Variants in MICU1 observed in about 807,000 individuals in gnomAD.
MICU1 encodes the protein calcium uptake protein 1, mitochondrial.
MICU1 carries 45 observed loss-of-function variants against 56.8 expected under a neutral mutation model. That is an observed-to-expected ratio of 0.79 (90% CI 0.62 to 1.02). The LOEUF (loss-of-function observed/expected upper bound fraction) is 1.02, where lower values mean the gene tolerates loss of function less well. Among genes scored for constraint, MICU1 ranks in the 50% least tolerant of loss-of-function variants. The probability of loss-of-function intolerance (pLI) is 0.00; values close to 1 mark genes in which losing one functional copy is unlikely to be tolerated. For synonymous variants in MICU1, 186 were observed against 195.1 expected, an observed-to-expected ratio of 0.95 and a Z score of 0.39; for missense variants, 504 against 587.1, an observed-to-expected ratio of 0.86 and a Z score of 1.46.
chr10:72,446,449 G>C (rs1011264588), intron 8 of MICU1, among the ~76,000 whole-genome samples: 1 of 151,940 alleles, frequency 6.6e-6, no homozygotes, highest in African/African-American at 2.4e-5. Flanking sequence ...TCCTGCCTCA[G>C]CCTCCTTAGT....
intron 1 of MICU1, among the ~76,000 whole-genome samples, chr10:72,570,708 A>G (rs757868642): frequency 2.0e-5 from 3 of 152,110 alleles, no homozygotes; most frequent in Non-Finnish European, 2.9e-5. Context: ...AAAAACTGTT[A>G]ATCTTTTCTC....
Position 72,392,506 on chromosome 10 carries a change from G to A in MICU1, c.1180+15423C>T, listed in dbSNP as rs1863111476. Reference sequence around the variant, plus strand: ...GAATTTCTTGACCCTGGGAAGCAGAGGTTGCGGTGAGCCAAGATTGTACCA... The same window carrying A: ...GAATTTCTTGACCCTGGGAAGCAGAAGTTGCGGTGAGCCAAGATTGTACCA... On this transcript the variant is annotated intron_variant, in intron 10 of 11. Coordinates refer to ENST00000361114, the MANE Select transcript of MICU1 (RefSeq NM_001195518.2). Among the ~76,000 whole-genome samples, 4 of 152,130 alleles carry A rather than the reference G, an allele frequency of 2.6e-5. 1 individual carries two copies. The South Asian group carries it at 8.3e-4, about 32-fold the overall frequency.
At chr10:72,378,969 A>C (rs1229174934) in intron 10 of MICU1, among the ~76,000 whole-genome samples, 1 of 152,144 alleles carries the variant, frequency 6.6e-6, no homozygotes, top group Admixed American at 6.5e-5. Context: ...GGAAATTAAC[A>C]TTCTTTGGTA....
At chr10:72,394,420 G>C (rs1357657995) in intron 10 of MICU1, among the ~76,000 whole-genome samples, 4 of 152,102 alleles carry the variant, frequency 2.6e-5, no homozygotes, top group Non-Finnish European at 5.9e-5. Context: ...GAGGTCAGGA[G>C]TTCATAACCA....
chr10:72,371,153 A>G (rs917315887), intron 11 of MICU1, among the ~76,000 whole-genome samples: 1 of 152,112 alleles, frequency 6.6e-6, no homozygotes, highest in African/African-American at 2.4e-5. Context: ...TGGGAGGCCG[A>G]GACGGGCGGA....
intron 1 of MICU1, among the ~76,000 whole-genome samples, chr10:72,589,058 T>C (rs1264430278): frequency 6.6e-6 from 1 of 151,970 alleles, no homozygotes; most frequent in African/African-American, 2.4e-5. Context: ...GAGGCCGAGG[T>C]GGGTGGATCA....
chr10:72,478,977 T>C (rs1016466720), intron 6 of MICU1, among the ~76,000 whole-genome samples: 14 of 152,214 alleles, frequency 9.2e-5, no homozygotes, highest in African/African-American at 3.4e-4. Context: ...ATTAGTTTTG[T>C]ATATTTGTTG....
At chr10:72,573,714 G>C (rs1305738858) in intron 1 of MICU1, among the ~76,000 whole-genome samples, 1 of 151,802 alleles carries the variant, frequency 6.6e-6, no homozygotes, top group African/African-American at 2.4e-5. Context: ...GCTCCCCTAG[G>C]GATTTTATTT....
At chr10:72,552,727 T>C (rs556670582) in intron 3 of MICU1, among the ~76,000 whole-genome samples, 1 of 152,244 alleles carries the variant, frequency 6.6e-6, no homozygotes, top group South Asian at 2.1e-4. Flanking sequence ...GCTAATGTTT[T>C]GTATTTTTAC....
At chr10:72,587,990 T>C (rs1412125572) in intron 1 of MICU1, among the ~76,000 whole-genome samples, 1 of 152,152 alleles carries the variant, frequency 6.6e-6, no homozygotes, top group Non-Finnish European at 1.5e-5. Context: ...TGACATGGTT[T>C]GGATTTATGT....
intron 8 of MICU1, among the ~76,000 whole-genome samples, chr10:72,443,353 G>A (rs1291547562): frequency 6.6e-6 from 1 of 152,074 alleles, no homozygotes; most frequent in Non-Finnish European, 1.5e-5. Context: ...TTCTTTTGTT[G>A]TGCAGAAGCT....
intron 1 of MICU1, among the ~76,000 whole-genome samples, chr10:72,618,505 T>C (rs1331699041): frequency 6.6e-6 from 1 of 152,164 alleles, no homozygotes; most frequent in Non-Finnish European, 1.5e-5. Context: ...AATTCGAAGA[T>C]TGCTTAATTT....
chr10:72,420,313 G>A (rs931373003), intron 9 of MICU1, among the ~76,000 whole-genome samples: 3 of 152,086 alleles, frequency 2.0e-5, no homozygotes, highest in Non-Finnish European at 4.4e-5. Context: ...TGCCTGCCTC[G>A]GCCTCCCAAA....
chr10:72,422,653 G>A (rs577877886), intron 9 of MICU1, among the ~76,000 whole-genome samples: 118 of 151,702 alleles, frequency 7.8e-4, no homozygotes, highest in Non-Finnish European at 1.5e-3. Context: ...TGACATGGTA[G>A]ACCCCTCAGT....
chr10:72,368,427 T>C (rs1376818493), intron 11 of MICU1, 72 bp from the exon 12 acceptor site: 2 of 1,526,550 alleles, frequency 1.3e-6, no homozygotes, highest in African/African-American at 1.4e-5. Flanking sequence ...AATTCCATTG[T>C]CCACACAAAG....
At position 72,623,745 on chromosome 10, in the gene MICU1, A is replaced by G. The variant is rs763061056; in HGVS notation, c.-2+2265T>C. Among the ~76,000 whole-genome samples the G allele has an allele frequency of 2.6e-5, 4 of 152,122 alleles. No individual in the cohort carries two copies. In the East Asian group the frequency reaches 7.7e-4, roughly 29 times the overall value. Reference sequence around the variant, plus strand: ...TTCCAGCTACTTCGGAGGCTGAAGCAGGAGAATTGCTTGAACCCAGGAGGC... The same window carrying G: ...TTCCAGCTACTTCGGAGGCTGAAGCGGGAGAATTGCTTGAACCCAGGAGGC... On this transcript the variant is annotated intron_variant, in intron 1 of 11. Coordinates refer to ENST00000361114, the MANE Select transcript of MICU1 (RefSeq NM_001195518.2).
chr10:72,507,491 A>C (rs1867292922), intron 6 of MICU1, among the ~76,000 whole-genome samples: 1 of 152,210 alleles, frequency 6.6e-6, no homozygotes, highest in African/African-American at 2.4e-5. Context: ...CAACCAAGCC[A>C]ATTTTCTTCT....
At chr10:72,485,399 T>C (rs2132290864) in intron 6 of MICU1, among the ~76,000 whole-genome samples, 1 of 151,998 alleles carries the variant, frequency 6.6e-6, no homozygotes, top group Admixed American at 6.6e-5. Context: ...ATTAATACAA[T>C]AATAATAATG....
chr10:72,561,703 T>C (rs936454976), intron 3 of MICU1, among the ~76,000 whole-genome samples: 2 of 152,088 alleles, frequency 1.3e-5, no homozygotes, highest in Non-Finnish European at 2.9e-5. Flanking sequence ...TCCCAGCTAT[T>C]GGGAAGCTGA....
Sources: gnomAD v4.1 joint callset for allele counts (sites outside exome capture counted in the v4.1 genomes callset) on GRCh38, gnomAD v4.1.1 for gene constraint, MANE v1.5 for transcripts, NCBI Gene and HGNC (gene_info 2026-07-23, HGNC 2026-07-21) for gene names.